The following KCTD10 variants were observed in gnomAD, a reference collection of about 807,000 sequenced individuals.
The protein encoded by KCTD10 is BTB/POZ domain-containing adapter for CUL3-mediated RhoA degradation protein 3.
Under a neutral mutation model 34.6 loss-of-function variants are expected in KCTD10, and 13 were observed. That is an observed-to-expected ratio of 0.38 (90% CI 0.24 to 0.60). The LOEUF (loss-of-function observed/expected upper bound fraction) is 0.60. Ranked by LOEUF, KCTD10 falls within the 20% of genes least tolerant of loss-of-function variation. KCTD10 has a pLI of 0.66. For synonymous variants in KCTD10, 156 were observed against 168.8 expected (o/e 0.92, Z 0.59); for missense variants, 256 against 420.3 (o/e 0.61, Z 3.42).
chr12:109,458,211 C>T, intron 3 of KCTD10, 133 bp from the exon 4 acceptor site: 4 of 657,796 alleles, frequency 6.1e-6, no homozygotes, highest in Non-Finnish European at 1.1e-5. Context: ...ATTCTCACCA[C>T]CAGTGAACTA....
chr12:109,455,457 T>C (rs1384983730), intron 6 of KCTD10: 3 of 152,290 alleles, frequency 2.0e-5, no homozygotes, highest in Admixed American at 2.0e-4. Flanking sequence ...TTGCTTTTTG[T>C]TCGAGGTCAG....
chr12:109,449,914 G>T lies in KCTD10; in HGVS notation c.*1681C>A, dbSNP rs1053571845. 7 of 187,078 alleles carry T rather than the reference G, an allele frequency of 3.7e-5. No individual in the cohort carries two copies. Among genetic ancestry groups the T allele is most frequent in the African/African-American group, 1.6e-4 (7 of 42,776 alleles). 11.6% of individuals were successfully genotyped at this position (187,078 alleles called of 1,614,324 possible). ...AAAATCCAAATGGCCTAATATAAAA[G>T]TTTCTCACACGACAGTTTAAAAAGC... On this transcript the variant is annotated 3_prime_UTR_variant, in exon 7 of 7. Coordinates refer to ENST00000228495, the MANE Select transcript of KCTD10 (RefSeq NM_031954.5).
In KCTD10 at chr12:109,460,665, G is replaced by A. The variant is rs759544181; in HGVS notation, c.358C>T (p.Leu120=). ...AGGGCCGCCTGGCACTCTTCCACCA[G>A]GCCTTGGACTAGGTAGTACTTGGCT... ...AEAKYYLVQG[L]VEECQAALQN... The change falls in exon 3 of 7, where the codon CTG becomes TTG. Residue 120 remains leucine, a synonymous_variant. Coordinates refer to ENST00000228495, the MANE Select transcript of KCTD10 (RefSeq NM_031954.5). The surrounding 1 kb of genome is among the most constrained non-coding windows in gnomAD (Gnocchi z 4.5). The A allele has an allele frequency of 2.1e-5, 34 of 1,613,994 alleles. No individual in the cohort carries two copies. The highest frequency in any genetic ancestry group is 2.2e-5 in the Non-Finnish European group (26 of 1,180,004).
intron 1 of KCTD10, among the ~76,000 whole-genome samples, chr12:109,474,930 A>G (rs1204316097): frequency 6.6e-6 from 1 of 152,150 alleles, no homozygotes; most frequent in Non-Finnish European, 1.5e-5. Context: ...GGAAAACGGG[A>G]TAGTCTCGGC....
Position 109,469,378 on chromosome 12 carries a change from A to G in KCTD10, c.217+137T>C. 4.0e-6 allele frequency: 4 copies of G among 990,174 alleles called. 1 individual carries two copies. In the South Asian group the frequency reaches 6.6e-5, roughly 16 times the overall value. 61.3% of individuals were successfully genotyped at this position (990,174 alleles called of 1,614,324 possible). On this transcript the variant is annotated intron_variant, in intron 2 of 6. Coordinates refer to ENST00000228495, the MANE Select transcript of KCTD10 (RefSeq NM_031954.5). ...AAGTAACATAGCAAATCAACGACCA[A>G]GTCAAGATGGTGGGAGTCCCCAACA...
rs956925313 is a variant in KCTD10 at position 109,456,328 on chromosome 12, T to C, written c.528-15A>G. ...CGTCAGAATTGCTGCAAAAGAGCAT[T>C]TGATACGGTGACCACAAGCTGGTAA... On this transcript the variant is annotated splice_polypyrimidine_tract_variant and intron_variant, in intron 5 of 6. Transcript: ENST00000228495. 1.2e-6 allele frequency: 2 copies of C among 1,611,566 alleles called. No homozygotes were observed. The highest frequency in any genetic ancestry group is 2.2e-5 in the East Asian group (1 of 44,894).
chr12:109,474,050 G>A (rs1487431006), intron 1 of KCTD10, among the ~76,000 whole-genome samples: 2 of 151,518 alleles, frequency 1.3e-5, no homozygotes, highest in East Asian at 1.9e-4. Context: ...CAAAGTGCTC[G>A]GATTACAGGT....
At chr12:109,474,145 C>A (rs185124002) in intron 1 of KCTD10, among the ~76,000 whole-genome samples, 3 of 152,200 alleles carry the variant, frequency 2.0e-5, no homozygotes, top group Admixed American at 6.5e-5. Context: ...GAACTCCCGA[C>A]CTCAAGTGAT....
intron 5 of KCTD10, 173 bp downstream of exon 5, chr12:109,457,457 G>A: frequency 1.7e-6 from 1 of 603,588 alleles, no homozygotes; most frequent in Non-Finnish European, 3.0e-6. Flanking sequence ...TATGATATGT[G>A]TGAATTATAG....
intron 2 of KCTD10, among the ~76,000 whole-genome samples, chr12:109,464,200 C>T (rs1193367264): frequency 6.6e-6 from 1 of 152,194 alleles, no homozygotes; most frequent in African/African-American, 2.4e-5. Flanking sequence ...CACCCCTGAT[C>T]ATAAATGCCA....
chr12:109,474,070 C>T (rs1280543300), intron 1 of KCTD10, among the ~76,000 whole-genome samples: 1 of 152,002 alleles, frequency 6.6e-6, no homozygotes. Flanking sequence ...TGTGAGCCAC[C>T]GCGACTGGCT....
intron 2 of KCTD10, among the ~76,000 whole-genome samples, chr12:109,461,972 G>A (rs1483783693): frequency 9.8e-6 from 1 of 101,776 alleles, no homozygotes; most frequent in African/African-American, 4.0e-5. Flanking sequence ...TCCTAACAAC[G>A]CTGTGCCCTG....
intron 6 of KCTD10, among the ~76,000 whole-genome samples, chr12:109,454,286 G>C (rs1319111473): frequency 6.6e-6 from 1 of 152,218 alleles, no homozygotes; most frequent in African/African-American, 2.4e-5. Context: ...AATGCTCTTA[G>C]AGCAAATGGA....
intron 6 of KCTD10, among the ~76,000 whole-genome samples, chr12:109,454,425 G>C (rs1232726194): frequency 1.3e-5 from 2 of 152,172 alleles, no homozygotes; most frequent in Non-Finnish European, 2.9e-5. Context: ...GTGGAGATGA[G>C]ACAGGAGAGG....
chr12:109,456,268 C>T lies in KCTD10; in HGVS notation c.573G>A (p.Lys191=). 1 of 1,614,168 alleles carries T rather than the reference C, an allele frequency of 6.2e-7. No individual in the cohort carries two copies. The highest frequency in any genetic ancestry group is 8.5e-7 in the Non-Finnish European group (1 of 1,180,032). ...CCCTTCCGTTAAAGCGCAGAGACAG[C>T]TTATCAAACAGTTCAATGTTTTTCA... is the stretch of plus-strand genomic sequence containing the variant. ...NMLKNIELFD[K]LSLRFNGRVL... Residue 191 remains lysine, a synonymous_variant, in exon 6 of 7, where the codon AAG becomes AAA. Transcript: ENST00000228495.
At chr12:109,464,945 G>A in intron 2 of KCTD10, 1 of 442,254 alleles carries the variant, frequency 2.3e-6, no homozygotes, top group Non-Finnish European at 4.5e-6. Flanking sequence ...AAACTCTAGG[G>A]CTGAGCTCCC....
chr12:109,473,639 C>T (rs185784792), intron 1 of KCTD10, among the ~76,000 whole-genome samples: 40 of 152,158 alleles, frequency 2.6e-4, no homozygotes, highest in African/African-American at 9.2e-4. Context: ...TAGGCAAGGC[C>T]CTTGGGGGAA....
At chr12:109,456,997 A>G (rs115893703) in intron 5 of KCTD10, 7,289 of 155,184 alleles carry the variant, frequency 0.047, 268 homozygotes, top group Non-Finnish European at 0.065. Flanking sequence ...CAAAAAGTGC[A>G]AACAACCCAA....
chr12:109,462,346 G>A (rs762352858), intron 2 of KCTD10, among the ~76,000 whole-genome samples: 2 of 152,140 alleles, frequency 1.3e-5, no homozygotes, highest in Non-Finnish European at 2.9e-5. Context: ...TCCTACTTCC[G>A]CACTGTTCCA....
Sources: gnomAD v4.1 joint callset for allele counts (sites outside exome capture counted in the v4.1 genomes callset) on GRCh38, gnomAD v4.1.1 for gene constraint, Gnocchi (gnomAD v3.1) non-coding constraint, MANE v1.5 for transcripts, NCBI Gene and HGNC (gene_info 2026-07-23, HGNC 2026-07-21) for gene names.